The following NLGN1 variants were observed in gnomAD, a reference collection of about 807,000 sequenced individuals.
NLGN1 encodes the protein neuroligin-1.
In NLGN1, 12 loss-of-function variants were observed where a neutral mutation model predicts 65.5. That is an observed-to-expected ratio of 0.18 (90% confidence interval 0.12 to 0.30). The LOEUF is 0.30. NLGN1 is among the 10% of genes least tolerant of loss of function. The pLI is 1.00. For synonymous variants in NLGN1, 350 were observed against 359.5 expected, an observed-to-expected ratio of 0.97 and a Z score of 0.30; for missense variants, 750 against 1,007.1, an observed-to-expected ratio of 0.74 and a Z score of 3.46.
At chr3:173,694,831 C>T (rs747074136) in intron 3 of NLGN1, among the ~76,000 whole-genome samples, 1 of 152,142 alleles carries the variant, frequency 6.6e-6, no homozygotes, top group Non-Finnish European at 1.5e-5. Context: ...GCAGCATGTG[C>T]ACAACCACAG....
chr3:173,412,610 A>G lies in NLGN1; in HGVS notation c.-390+14123A>G, dbSNP rs548718745. Among the ~76,000 whole-genome samples the G allele has an allele frequency of 1.3e-4, 20 of 152,098 alleles. No homozygotes were observed. In the South Asian group the frequency reaches 3.3e-3, roughly 25 times the overall value. On this transcript the variant is annotated intron_variant, in intron 1 of 6. Coordinates refer to ENST00000457714, the Ensembl canonical transcript of NLGN1. ...ATTTCAGGAAAATATATTGATTCCA[A>G]CTTCTTGGAGGGAAGGTTTCCAGCC...
chr3:173,845,868 A>T (rs1232203628), intron 4 of NLGN1, among the ~76,000 whole-genome samples: 1 of 151,946 alleles, frequency 6.6e-6, no homozygotes, highest in Non-Finnish European at 1.5e-5. Context: ...TTTAATTAAA[A>T]TTTTTTTCGA....
At chr3:173,673,181 C>A (rs1006469563) in intron 3 of NLGN1, among the ~76,000 whole-genome samples, 3 of 152,052 alleles carry the variant, frequency 2.0e-5, no homozygotes, top group African/African-American at 7.2e-5. Context: ...ATGGTATTTT[C>A]TTGATGCTAT....
intron 1 of NLGN1, among the ~76,000 whole-genome samples, chr3:173,431,371 G>A (rs1365992141): frequency 1.3e-5 from 2 of 151,286 alleles, no homozygotes; most frequent in Non-Finnish European, 2.9e-5. Flanking sequence ...CAAATATGGA[G>A]CAAACAATTT....
intron 4 of NLGN1, among the ~76,000 whole-genome samples, chr3:173,814,433 C>T (rs1220747863): frequency 6.6e-6 from 1 of 152,072 alleles, no homozygotes; most frequent in African/African-American, 2.4e-5. Context: ...TGTCCTGTGG[C>T]GACAGGTGCA....
At chr3:174,014,750 A>G (rs1179942237) in intron 4 of NLGN1, among the ~76,000 whole-genome samples, 1 of 152,120 alleles carries the variant, frequency 6.6e-6, no homozygotes, top group Non-Finnish European at 1.5e-5. Flanking sequence ...AAGTTATTCA[A>G]TCTTTCTGAC....
chr3:174,254,920 C>CT (rs1376804823), intron 4 of NLGN1, among the ~76,000 whole-genome samples: 1 of 152,084 alleles, frequency 6.6e-6, no homozygotes, highest in Non-Finnish European at 1.5e-5. Flanking sequence ...ATTTTAACTA[C>CT]TTTTTTTCCA....
At chr3:173,742,885 C>CT (rs1287345402) in intron 3 of NLGN1, among the ~76,000 whole-genome samples, 2 of 152,034 alleles carry the variant, frequency 1.3e-5, no homozygotes, top group Non-Finnish European at 2.9e-5. Flanking sequence ...GCTATTTTGT[C>CT]TAAGTTATTC....
intron 3 of NLGN1, among the ~76,000 whole-genome samples, chr3:173,709,165 G>A (rs1343602454): frequency 6.6e-6 from 1 of 152,148 alleles, no homozygotes; most frequent in Admixed American, 6.5e-5. Context: ...TAAAAATACC[G>A]AGGTTTATTT....
chr3:173,700,382 T>G (rs183900818), intron 3 of NLGN1, among the ~76,000 whole-genome samples: 1 of 152,226 alleles, frequency 6.6e-6, no homozygotes, highest in Non-Finnish European at 1.5e-5. Flanking sequence ...TTACTAACTT[T>G]CTCAAGGTGA....
chr3:174,051,636 C>T (rs1734911847), intron 4 of NLGN1, among the ~76,000 whole-genome samples: 1 of 151,944 alleles, frequency 6.6e-6, no homozygotes, highest in Admixed American at 6.6e-5. Flanking sequence ...GGGCATGTCA[C>T]AAAAACTGAA....
intron 2 of NLGN1, among the ~76,000 whole-genome samples, chr3:173,491,770 T>G (rs1415470463): frequency 6.6e-6 from 1 of 151,798 alleles, no homozygotes; most frequent in Admixed American, 6.6e-5. Context: ...CGTCAAAATC[T>G]CCTAAACTGA....
intron 2 of NLGN1, among the ~76,000 whole-genome samples, chr3:173,594,973 C>A (rs1035360012): frequency 2.6e-5 from 4 of 152,134 alleles, no homozygotes; most frequent in Admixed American, 1.3e-4. Context: ...GGACCCTGAG[C>A]CTGGCCCACA....
At chr3:174,091,961 T>G (rs1744601150) in intron 4 of NLGN1, among the ~76,000 whole-genome samples, 2 of 152,150 alleles carry the variant, frequency 1.3e-5, no homozygotes, top group Non-Finnish European at 2.9e-5. Flanking sequence ...TTGGAGTAAA[T>G]GAATTTTAAA....
At chr3:174,198,228 T>C (rs937517094) in intron 4 of NLGN1, among the ~76,000 whole-genome samples, 29 of 152,206 alleles carry the variant, frequency 1.9e-4, no homozygotes, top group African/African-American at 7.0e-4. Context: ...GTAGGTCAGA[T>C]ACTCTGTGGC....
chr3:174,211,996 A>C (rs1378892474), intron 4 of NLGN1, among the ~76,000 whole-genome samples: 2 of 152,118 alleles, frequency 1.3e-5, no homozygotes, highest in Admixed American at 6.5e-5. Context: ...TGGGTGGTCG[A>C]TGGGACTGGG....
intron 4 of NLGN1, among the ~76,000 whole-genome samples, chr3:173,966,667 A>T (rs1055993261): frequency 1.3e-5 from 2 of 152,232 alleles, no homozygotes; most frequent in Admixed American, 6.5e-5. Flanking sequence ...ATGCCTGCTT[A>T]ATCAGCAGTA....
chr3:173,703,200 G>A (rs932693332), intron 3 of NLGN1, among the ~76,000 whole-genome samples: 4 of 152,000 alleles, frequency 2.6e-5, no homozygotes, highest in African/African-American at 9.7e-5. Context: ...ATGCTAGCAG[G>A]AAAGTACCCT....
chr3:174,165,029 A>G (rs989728309), intron 4 of NLGN1, among the ~76,000 whole-genome samples: 1 of 152,028 alleles, frequency 6.6e-6, no homozygotes, highest in Non-Finnish European at 1.5e-5. Flanking sequence ...TTCTCATTGT[A>G]GAGATCTTTA....
Sources: allele counts gnomAD v4.1 joint callset (sites outside exome capture counted in the v4.1 genomes callset), GRCh38; gene constraint gnomAD v4.1.1; transcripts MANE v1.5; gene names NCBI Gene and HGNC (gene_info 2026-07-23, HGNC 2026-07-21).